Variants in ZEB1 observed in about 807,000 individuals in gnomAD.
ZEB1 encodes zinc finger E-box binding homeobox 1.
ZEB1 carries 21 observed loss-of-function variants against 84.9 expected under a neutral mutation model. The observed-to-expected ratio is 0.25, with a 90% CI of 0.18 to 0.36. The LOEUF (loss-of-function observed/expected upper bound fraction) is 0.36. Ranked by LOEUF, ZEB1 falls within the 10% of genes least tolerant of loss-of-function variation. ZEB1 has a pLI of 1.00. For synonymous variants in ZEB1, 420 were observed against 471.1 expected, an observed-to-expected ratio of 0.89 and a Z score of 1.41; for missense variants, 1,104 against 1,330.2, an observed-to-expected ratio of 0.83 and a Z score of 2.65.
At chr10:31,355,417 A>G (rs2041955895) in intron 1 of ZEB1, among the ~76,000 whole-genome samples, 1 of 152,228 alleles carries the variant, frequency 6.6e-6, no homozygotes, top group Non-Finnish European at 1.5e-5. Flanking sequence ...AGTGTAACAC[A>G]GTAAACAAGA....
intron 2 of ZEB1, among the ~76,000 whole-genome samples, chr10:31,493,290 A>G (rs1196795705): frequency 6.6e-6 from 1 of 151,956 alleles, no homozygotes; most frequent in East Asian, 1.9e-4. Flanking sequence ...TTGTATCAAT[A>G]GTTTGTTCTT....
At chr10:31,435,080 G>A (rs778282912) in intron 1 of ZEB1, among the ~76,000 whole-genome samples, 1 of 152,200 alleles carries the variant, frequency 6.6e-6, no homozygotes, top group African/African-American at 2.4e-5. Flanking sequence ...ATTACTTCGG[G>A]TTATGTGGCT....
At position 31,521,596 on chromosome 10, in the gene ZEB1, G is replaced by A; in HGVS notation, c.2264G>A (p.Ser755Asn). The change falls in exon 7 of 9, where the codon AGT becomes AAT. Residue 755 changes from serine (S) to asparagine (N), a missense_variant. Ser to Asn is a conservative substitution (Grantham distance 46). Around this residue, in one of 7 missense-constraint regions of ZEB1, gnomAD observed 531 missense variants for 575.2 expected, o/e 0.92. Coordinates refer to ENST00000424869, the MANE Select transcript of ZEB1 (RefSeq NM_001174096.2). ...TTATTAGAAAGGTCAACTATCACTAGTGTTTACCAGAACAGTGTTTATTCT... is the reference window on the plus strand; with the variant it reads ...TTATTAGAAAGGTCAACTATCACTAATGTTTACCAGAACAGTGTTTATTCT... ...GELLERSTIT[S>N]VYQNSVYSVQ... 6.2e-7 allele frequency: 1 copy of A among 1,614,096 alleles called. No homozygotes were observed. Among genetic ancestry groups the A allele is most frequent in the Non-Finnish European group, 8.5e-7 (1 of 1,180,018 alleles).
intron 1 of ZEB1, among the ~76,000 whole-genome samples, chr10:31,364,781 G>A (rs867799046): frequency 3.3e-5 from 5 of 152,186 alleles, no homozygotes; most frequent in Non-Finnish European, 1.5e-5. Context: ...CACAGCTGGC[G>A]CTCTGGCCTG....
At chr10:31,502,583 C>T (rs1338597072) in intron 4 of ZEB1, 74 bp downstream of exon 4, 40 of 1,588,584 alleles carry the variant, frequency 2.5e-5, no homozygotes, top group Non-Finnish European at 3.4e-5. Context: ...ACTATGGGAA[C>T]CTGCTCTACT....
chr10:31,469,912 C>G (rs2062974185), intron 2 of ZEB1, among the ~76,000 whole-genome samples: 1 of 152,226 alleles, frequency 6.6e-6, no homozygotes, highest in Non-Finnish European at 1.5e-5. Flanking sequence ...ACCCCTAACC[C>G]CCGAGCAGCC....
chr10:31,319,107 C>T, upstream of ZEB1: 1 of 702,178 alleles, frequency 1.4e-6, no homozygotes, highest in Non-Finnish European at 2.5e-6. Context: ...AAGGTGATGT[C>T]GTAAAGCCGG....
rs564396793 is a variant in ZEB1, at chr10:31,382,355, G to C, written c.58+63063G>C. ...ACTCATACTTTACTGAATTAATACA[G>C]TTGTTTTCTTAAGAGGAATACTGAA... is the stretch of plus-strand genomic sequence containing the variant. On this transcript the variant is annotated intron_variant, in intron 1 of 8. Transcript: ENST00000424869. Among the ~76,000 whole-genome samples, 20 of 152,210 alleles carry C rather than the reference G, an allele frequency of 1.3e-4. No homozygotes were observed. In the South Asian group the frequency reaches 3.9e-3, roughly 30 times the overall value.
chr10:31,365,947 C>T (rs534286987), intron 1 of ZEB1, among the ~76,000 whole-genome samples: 2 of 152,276 alleles, frequency 1.3e-5, no homozygotes, highest in South Asian at 2.1e-4. Context: ...TGCATTAAAC[C>T]GTTTTGCCTC....
At chr10:31,448,463 C>T (rs1221208533) in intron 1 of ZEB1, among the ~76,000 whole-genome samples, 3 of 148,244 alleles carry the variant, frequency 2.0e-5, no homozygotes, top group Non-Finnish European at 3.0e-5. Flanking sequence ...TGAGGAACTG[C>T]GTTCCTTTGG....
chr10:31,382,630 CAGAG>C (rs1169129837), intron 1 of ZEB1, among the ~76,000 whole-genome samples: 1 of 152,102 alleles, frequency 6.6e-6, no homozygotes, highest in Admixed American at 6.5e-5. Flanking sequence ...GAAAAGGTAA[CAGAG>C]AGAATACCTT....
chr10:31,375,209 C>T (rs370122693), intron 1 of ZEB1, among the ~76,000 whole-genome samples: 178 of 151,762 alleles, frequency 1.2e-3, no homozygotes, highest in African/African-American at 4.1e-3. Context: ...TCTGGATATA[C>T]TCAAAGTCAC....
intron 2 of ZEB1, among the ~76,000 whole-genome samples, chr10:31,477,298 G>C (rs2064352936): frequency 6.6e-6 from 1 of 151,886 alleles, no homozygotes; most frequent in Admixed American, 6.6e-5. Context: ...ATTTACAGTA[G>C]TCACACACAA....
chr10:31,441,069 A>G (rs1419829466), intron 1 of ZEB1, among the ~76,000 whole-genome samples: 1 of 152,148 alleles, frequency 6.6e-6, no homozygotes, highest in East Asian at 1.9e-4. Context: ...TAAAGTTCAT[A>G]TGGAACCAAA....
chr10:31,367,067 TA>T (rs1273688716), intron 1 of ZEB1, among the ~76,000 whole-genome samples: 2 of 152,184 alleles, frequency 1.3e-5, no homozygotes, highest in Non-Finnish European at 2.9e-5. Flanking sequence ...CGGGACCTCT[TA>T]CTTATTTCTG....
intron 1 of ZEB1, among the ~76,000 whole-genome samples, chr10:31,448,410 G>A (rs1426184888): frequency 4.3e-5 from 6 of 140,822 alleles, no homozygotes; most frequent in Admixed American, 6.9e-5. Context: ...TCTTCTCTCA[G>A]CTCGTCAAAG....
intron 2 of ZEB1, among the ~76,000 whole-genome samples, chr10:31,489,812 C>CT (rs894715715): frequency 6.6e-6 from 1 of 151,206 alleles, no homozygotes; most frequent in East Asian, 1.9e-4. Context: ...TTCTCTTCTT[C>CT]TTTTATTCCC....
chr10:31,324,348 T>G (rs972929850), intron 1 of ZEB1, among the ~76,000 whole-genome samples: 2 of 152,062 alleles, frequency 1.3e-5, no homozygotes, highest in Non-Finnish European at 2.9e-5. Flanking sequence ...ATTTTTAAAA[T>G]AAGAGCATAA....
intron 4 of ZEB1, 105 bp downstream of exon 4, chr10:31,502,614 C>A: frequency 7.0e-7 from 1 of 1,435,460 alleles, no homozygotes; most frequent in Non-Finnish European, 9.8e-7. Flanking sequence ...TTCTTGAAGA[C>A]CAAACTTTAT....
Sources: gnomAD v4.1 joint callset for allele counts (sites outside exome capture counted in the v4.1 genomes callset) on GRCh38, gnomAD v4.1.1 for gene constraint, gnomAD v4.1.1 regional missense constraint, MANE v1.5 for transcripts, NCBI Gene and HGNC (gene_info 2026-07-23, HGNC 2026-07-21) for gene names.